The following RPS6KA2 variants were observed in gnomAD, a reference collection of about 807,000 sequenced individuals.
The protein encoded by RPS6KA2 is ribosomal protein S6 kinase A2.
RPS6KA2 carries 42 observed loss-of-function variants against 91.8 expected under a neutral mutation model. The ratio of observed to expected loss-of-function variants is 0.46; its 90% confidence interval spans 0.36 to 0.59. The LOEUF is 0.59. RPS6KA2 is among the 20% of genes least tolerant of loss of function. The probability of loss-of-function intolerance (pLI) is 0.00; values close to 1 mark genes in which losing one functional copy is unlikely to be tolerated. For missense variants in RPS6KA2, 798 were observed against 978.5 expected (o/e 0.82, Z 2.46); for synonymous variants, 414 against 393.6 (o/e 1.05, Z -0.61).
At chr6:166,580,643 C>A (rs1487128931) in intron 1 of RPS6KA2, among the ~76,000 whole-genome samples, 2 of 152,108 alleles carry the variant, frequency 1.3e-5, no homozygotes, top group Non-Finnish European at 1.5e-5. Context: ...AGCAAAAAGA[C>A]CTGATTTTCA....
chr6:166,413,789 G>A lies in RPS6KA2; in HGVS notation c.2076+5C>T, dbSNP rs201447271. 1.4e-5 allele frequency: 23 copies of A among 1,613,816 alleles called. No individual in the cohort carries two copies. In the Admixed American group the frequency reaches 2.5e-4, roughly 18 times the overall value. On this transcript the variant is annotated splice_donor_5th_base_variant and intron_variant, in intron 20 of 20. Transcript: ENST00000265678. ...CACTCTGTCCTCACTGTCGCCTGCC[G>A]GTACCTTCACCAGGTGCACGTCCTG...
intron 2 of RPS6KA2, among the ~76,000 whole-genome samples, chr6:166,680,625 C>G (rs536996441): frequency 1.8e-4 from 28 of 152,258 alleles, no homozygotes; most frequent in Middle Eastern, 6.8e-3. Flanking sequence ...TCTGGACGTG[C>G]CAACCTTATG....
At chr6:166,647,265 C>G (rs1470181421) in intron 2 of RPS6KA2, among the ~76,000 whole-genome samples, 1 of 152,126 alleles carries the variant, frequency 6.6e-6, no homozygotes, top group East Asian at 1.9e-4. Flanking sequence ...CCCTCCCAAG[C>G]CCAGCCCCTT....
intron 2 of RPS6KA2, among the ~76,000 whole-genome samples, chr6:166,812,997 C>T (rs1779677063): frequency 6.6e-6 from 1 of 152,156 alleles, no homozygotes; most frequent in Admixed American, 6.5e-5. Flanking sequence ...CTCCAGATAA[C>T]TCAATTAACC....
intron 2 of RPS6KA2, among the ~76,000 whole-genome samples, 187 bp downstream of exon 2, chr6:166,538,481 A>G (rs935701093): frequency 3.3e-5 from 5 of 152,180 alleles, no homozygotes; most frequent in Non-Finnish European, 7.3e-5. Context: ...CTCACCTGGC[A>G]CAGCCCAGCC....
At chr6:166,547,161 G>T (rs1358685600) in intron 1 of RPS6KA2, among the ~76,000 whole-genome samples, 1 of 152,160 alleles carries the variant, frequency 6.6e-6, no homozygotes, top group Non-Finnish European at 1.5e-5. Context: ...CCAGCAGAGG[G>T]ACGCTTGCTG....
chr6:166,454,307 A>G (rs1780015364), intron 12 of RPS6KA2, among the ~76,000 whole-genome samples: 1 of 152,176 alleles, frequency 6.6e-6, no homozygotes, highest in Non-Finnish European at 1.5e-5. Context: ...CGACCAGCCT[A>G]ACCAACATGG....
chr6:166,569,431 G>A (rs1360387385), intron 1 of RPS6KA2, among the ~76,000 whole-genome samples: 2 of 152,228 alleles, frequency 1.3e-5, no homozygotes, highest in Non-Finnish European at 2.9e-5. Flanking sequence ...TGCATGGTAT[G>A]TGTCTCTTTC....
chr6:166,444,637 G>T (rs569120130), intron 14 of RPS6KA2, among the ~76,000 whole-genome samples: 1 of 152,206 alleles, frequency 6.6e-6, no homozygotes. Flanking sequence ...GTGCGCGTGA[G>T]AAGGAAGAGG....
intron 1 of RPS6KA2, among the ~76,000 whole-genome samples, chr6:166,592,313 C>T (rs999283290): frequency 2.0e-5 from 3 of 152,192 alleles, no homozygotes; most frequent in Non-Finnish European, 4.4e-5. Context: ...AACTCACCTG[C>T]GGGGAAGAGG....
At chr6:166,444,632 C>T (rs183722156) in intron 14 of RPS6KA2, among the ~76,000 whole-genome samples, 12 of 152,312 alleles carry the variant, frequency 7.9e-5, no homozygotes, top group Non-Finnish European at 1.8e-4. Flanking sequence ...GTGCCGTGCG[C>T]GTGAGAAGGA....
chr6:166,435,686 C>G lies in RPS6KA2; in HGVS notation c.1333-3196G>C, dbSNP rs561520792. On this transcript the variant is annotated intron_variant, in intron 14 of 20. Transcript: ENST00000265678. This position sits in a 1 kb window ranked among gnomAD's most constrained non-coding sequence, Gnocchi z 4.3. ...CCACAGGGTAGAGCCAGCGGTCTTT[C>G]AGCAAACATCTGGTTTGCTCCTGAG... Among the ~76,000 whole-genome samples the G allele has an allele frequency of 5.2e-5, 8 of 152,392 alleles. No homozygotes were observed. The East Asian group carries it at 1.5e-3, about 29-fold the overall frequency.
At chr6:166,688,732 AG>A (rs2128570039) in intron 2 of RPS6KA2, among the ~76,000 whole-genome samples, 1 of 152,330 alleles carries the variant, frequency 6.6e-6, no homozygotes, top group Non-Finnish European at 1.5e-5. Flanking sequence ...GACGTGCCTA[AG>A]GTTAGCCAAA....
chr6:166,755,385 G>A (rs910362800), intron 2 of RPS6KA2, among the ~76,000 whole-genome samples: 2 of 152,070 alleles, frequency 1.3e-5, no homozygotes, highest in Admixed American at 6.6e-5. Context: ...TCCTTTATAC[G>A]GTGAACTCTC....
At chr6:166,675,534 G>A (rs1180837645) in intron 2 of RPS6KA2, among the ~76,000 whole-genome samples, 2 of 152,042 alleles carry the variant, frequency 1.3e-5, no homozygotes, top group African/African-American at 4.8e-5. Flanking sequence ...GCCCCAGCGC[G>A]ACGTGCTCCT....
At chr6:166,655,212 C>T (rs6915670) in intron 2 of RPS6KA2, among the ~76,000 whole-genome samples, 47,419 of 151,888 alleles carry the variant, frequency 0.31, 7,532 homozygotes, top group East Asian at 0.41. Context: ...TTCATCGGAT[C>T]ATAGTAATTA....
At position 166,603,319 on chromosome 6, in the gene RPS6KA2, A is replaced by G. The variant is rs1432535745; in HGVS notation, c.99+23602T>C. Among the ~76,000 whole-genome samples the G allele has an allele frequency of 6.6e-6, 1 of 152,154 alleles. No homozygotes were observed. Among genetic ancestry groups the G allele is most frequent in the East Asian group, 1.9e-4 (1 of 5,198 alleles). ...TTGTGTGGGCCATGGCTCTTTCAAA[A>G]AAGATCGTGCTGCTTAGCATAATTA... is the stretch of plus-strand genomic sequence containing the variant. On this transcript the variant is annotated intron_variant, in intron 1 of 20. Coordinates refer to ENST00000265678, the MANE Select transcript of RPS6KA2 (RefSeq NM_021135.6). The surrounding 1 kb of genome is among the most constrained non-coding windows in gnomAD (Gnocchi z 4.3).
At chr6:166,574,354 A>G (rs1333369551) in intron 1 of RPS6KA2, among the ~76,000 whole-genome samples, 1 of 152,046 alleles carries the variant, frequency 6.6e-6, no homozygotes, top group Non-Finnish European at 1.5e-5. Context: ...TGTTGTTCCC[A>G]TCTTTATGTC....
intron 12 of RPS6KA2, among the ~76,000 whole-genome samples, chr6:166,456,391 G>C (rs148057877): frequency 3.0e-4 from 45 of 152,350 alleles, no homozygotes; most frequent in Non-Finnish European, 5.9e-4. Flanking sequence ...TTGTGAGTCA[G>C]ATAAAAGGAG....
Sources: allele counts gnomAD v4.1 joint callset (sites outside exome capture counted in the v4.1 genomes callset), GRCh38; gene constraint gnomAD v4.1.1; non-coding constraint Gnocchi (gnomAD v3.1); transcripts MANE v1.5; gene names NCBI Gene and HGNC (gene_info 2026-07-23, HGNC 2026-07-21).